RPH3A: variants seen among roughly 807,000 people sequenced by gnomAD.
RPH3A encodes rabphilin-3A.
Under a neutral mutation model 102.2 loss-of-function variants are expected in RPH3A, and 48 were observed. The ratio of observed to expected loss-of-function variants is 0.47; its 90% CI spans 0.37 to 0.60. RPH3A has a LOEUF of 0.60. Ranked by LOEUF, RPH3A falls within the 20% of genes least tolerant of loss-of-function variation. The pLI, the probability that RPH3A is intolerant of heterozygous loss-of-function variation, is 0.00. For missense variants in RPH3A, 781 were observed against 910.1 expected (o/e 0.86, Z 1.83); for synonymous variants, 310 against 324.3 (o/e 0.96, Z 0.47).
chr12:112,887,945 A>T (rs1469851280), intron 17 of RPH3A, 22 bp downstream of exon 17: 2 of 1,611,438 alleles, frequency 1.2e-6, no homozygotes, highest in South Asian at 2.2e-5. Context: ...TACCCTGAGG[A>T]TCTGATGGGA....
intron 1 of RPH3A, among the ~76,000 whole-genome samples, chr12:112,635,659 C>T (rs540168122): frequency 6.6e-6 from 1 of 152,104 alleles, no homozygotes; most frequent in Non-Finnish European, 1.5e-5. Context: ...ATCTCCTACC[C>T]CTTTTAGTGA....
At position 112,583,573 on chromosome 12, in the gene RPH3A, G is replaced by A. The variant is rs1174489727; in HGVS notation, c.-140+8254G>A. Among the ~76,000 whole-genome samples, 4 of 152,060 alleles carry A rather than the reference G, an allele frequency of 2.6e-5. No homozygotes were observed. In the East Asian group the frequency reaches 7.7e-4, roughly 29 times the overall value. On this transcript the variant is annotated intron_variant, in intron 1 of 21. Coordinates refer to the RPH3A transcript ENST00000543106. ...CCTTTGCATTTCCCTAATGTCTAGC[G>A]GCAGCTCTGCATTAAAAGCCAGGAG...
intron 2 of RPH3A, among the ~76,000 whole-genome samples, chr12:112,803,855 G>A (rs1404512637): frequency 2.6e-5 from 4 of 152,034 alleles, no homozygotes; most frequent in Non-Finnish European, 4.4e-5. Flanking sequence ...ATACTTGCCA[G>A]CCTGTGACCC....
At chr12:112,594,657 C>T (rs1013558863) in intron 1 of RPH3A, among the ~76,000 whole-genome samples, 1 of 152,194 alleles carries the variant, frequency 6.6e-6, no homozygotes, top group Admixed American at 6.5e-5. Context: ...CCTCGTGGAG[C>T]TCTCAGTCTA....
chr12:112,656,215 T>C (rs2136000266), intron 1 of RPH3A, among the ~76,000 whole-genome samples: 1 of 152,348 alleles, frequency 6.6e-6, no homozygotes, highest in Non-Finnish European at 1.5e-5. Context: ...TTCATTATTA[T>C]AGATTCAGGG....
chr12:112,598,443 C>G (rs1052954129), intron 1 of RPH3A, among the ~76,000 whole-genome samples: 1 of 152,144 alleles, frequency 6.6e-6, no homozygotes, highest in African/African-American at 2.4e-5. Flanking sequence ...TTTTGTCCCC[C>G]TGAATGATAC....
chr12:112,701,884 G>A (rs2040397400), intron 1 of RPH3A, among the ~76,000 whole-genome samples: 1 of 152,202 alleles, frequency 6.6e-6, no homozygotes, highest in African/African-American at 2.4e-5. Context: ...ATTATGATTT[G>A]AAATAATTTG....
intron 1 of RPH3A, among the ~76,000 whole-genome samples, chr12:112,755,057 C>T (rs1376926540): frequency 2.0e-5 from 3 of 152,150 alleles, no homozygotes; most frequent in African/African-American, 7.2e-5. Flanking sequence ...CAACACCTAG[C>T]CTAGTGCCTG....
chr12:112,771,353 A>T (rs1412535634), intron 1 of RPH3A, among the ~76,000 whole-genome samples: 1 of 152,204 alleles, frequency 6.6e-6, no homozygotes, highest in Non-Finnish European at 1.5e-5. Flanking sequence ...TATATGAAAC[A>T]CTTTGGATCT....
At chr12:112,821,051 G>T (rs1177280608) in intron 2 of RPH3A, among the ~76,000 whole-genome samples, 1 of 152,192 alleles carries the variant, frequency 6.6e-6, no homozygotes, top group Non-Finnish European at 1.5e-5. Context: ...CTGGCTCTAG[G>T]AACAAGGAAA....
At chr12:112,713,697 A>G (rs1476360446) in intron 1 of RPH3A, among the ~76,000 whole-genome samples, 1 of 152,188 alleles carries the variant, frequency 6.6e-6, no homozygotes, top group Non-Finnish European at 1.5e-5. Flanking sequence ...TGTCTGGCAT[A>G]TGGTGGATGT....
At chr12:112,684,844 G>C (rs1459560381) in intron 1 of RPH3A, among the ~76,000 whole-genome samples, 1 of 152,188 alleles carries the variant, frequency 6.6e-6, no homozygotes. Context: ...CTGTAGGCTG[G>C]AAAATCCAAG....
intron 1 of RPH3A, among the ~76,000 whole-genome samples, chr12:112,657,671 C>T (rs2040022449): frequency 6.6e-6 from 1 of 152,148 alleles, no homozygotes; most frequent in East Asian, 1.9e-4. Flanking sequence ...TTGACCTAAA[C>T]ATTATGTGGT....
chr12:112,822,465 C>T (rs1039461670), intron 2 of RPH3A, among the ~76,000 whole-genome samples: 3 of 152,144 alleles, frequency 2.0e-5, no homozygotes, highest in Admixed American at 1.3e-4. Flanking sequence ...TAGCAGAAAA[C>T]CCTGGAGATT....
chr12:112,758,936 G>A (rs2136065302), intron 1 of RPH3A, among the ~76,000 whole-genome samples: 2 of 152,228 alleles, frequency 1.3e-5, no homozygotes, highest in South Asian at 4.2e-4. Context: ...GCGCTTCCTG[G>A]TCATGAATAA....
intron 1 of RPH3A, among the ~76,000 whole-genome samples, chr12:112,638,876 T>G (rs4766987): frequency 0.88 from 133,593 of 152,164 alleles, 58,918 homozygotes; most frequent in East Asian, 0.98. Flanking sequence ...AATAGGAGGA[T>G]ACTATGGCCG....
At chr12:112,816,313 C>T (rs1167024888) in intron 2 of RPH3A, among the ~76,000 whole-genome samples, 1 of 152,178 alleles carries the variant, frequency 6.6e-6, no homozygotes, top group African/African-American at 2.4e-5. Flanking sequence ...GCATGTGAAA[C>T]ATTTGGTGCA....
chr12:112,730,168 C>T (rs1177178244), intron 1 of RPH3A, among the ~76,000 whole-genome samples: 2 of 152,206 alleles, frequency 1.3e-5, no homozygotes, highest in Non-Finnish European at 2.9e-5. Flanking sequence ...CTGGCCGACA[C>T]CTTGGTCTTG....
intron 1 of RPH3A, among the ~76,000 whole-genome samples, chr12:112,609,029 T>C (rs544888501): frequency 2.0e-5 from 3 of 152,358 alleles, no homozygotes; most frequent in Non-Finnish European, 4.4e-5. Flanking sequence ...TAAATAGCCA[T>C]GTGTGGTTTG....
Sources: gnomAD v4.1 joint callset for allele counts (sites outside exome capture counted in the v4.1 genomes callset) on GRCh38, gnomAD v4.1.1 for gene constraint, MANE v1.5 for transcripts, NCBI Gene and HGNC (gene_info 2026-07-23, HGNC 2026-07-21) for gene names.